GABRB3: variants seen among roughly 807,000 people sequenced by gnomAD.
The protein encoded by GABRB3 is gamma-aminobutyric acid type A receptor subunit beta3, also known as gamma-aminobutyric acid receptor subunit beta-3.
In GABRB3, 14 loss-of-function variants were observed where a neutral mutation model predicts 52.1. The ratio of observed to expected loss-of-function variants is 0.27; its 90% CI spans 0.18 to 0.42. The LOEUF (loss-of-function observed/expected upper bound fraction) is 0.42, where lower values mean the gene tolerates loss of function less well. GABRB3 is among the 10% of genes least tolerant of loss of function. GABRB3 has a pLI of 1.00. For missense variants in GABRB3, 307 were observed against 609.1 expected, an observed-to-expected ratio of 0.50 and a Z score of 5.22; for synonymous variants, 260 against 232.3, an observed-to-expected ratio of 1.12 and a Z score of -1.08.
chr15:26,698,965 AAAT>A (rs1888836622), intron 3 of GABRB3, among the ~76,000 whole-genome samples: 1 of 152,258 alleles, frequency 6.6e-6, no homozygotes. Flanking sequence ...ATTTTAGATT[AAAT>A]AATTAAAATT....
chr15:26,572,149 G>T (rs901274624), intron 6 of GABRB3, among the ~76,000 whole-genome samples: 2 of 151,952 alleles, frequency 1.3e-5, no homozygotes, highest in Non-Finnish European at 2.9e-5. Context: ...GGTGGAAACA[G>T]TAAGTGGGGC....
chr15:26,706,768 T>C (rs1889116768), intron 3 of GABRB3, among the ~76,000 whole-genome samples: 1 of 152,230 alleles, frequency 6.6e-6, no homozygotes, highest in Non-Finnish European at 1.5e-5. Flanking sequence ...CATGTGTTCA[T>C]GTATTCATTC....
intron 3 of GABRB3, among the ~76,000 whole-genome samples, chr15:26,671,408 T>C (rs1887893387): frequency 6.6e-6 from 1 of 152,196 alleles, no homozygotes. Context: ...TGTACCACAG[T>C]TGTGCCGGAA....
intron 4 of GABRB3, among the ~76,000 whole-genome samples, chr15:26,619,263 C>T (rs1428715826): frequency 6.6e-6 from 1 of 151,626 alleles, no homozygotes; most frequent in African/African-American, 2.4e-5. Flanking sequence ...GACTTGGAAC[C>T]AACCCAAATG....
intron 3 of GABRB3, among the ~76,000 whole-genome samples, chr15:26,661,763 C>A (rs989137552): frequency 6.6e-6 from 1 of 152,092 alleles, no homozygotes; most frequent in Non-Finnish European, 1.5e-5. Flanking sequence ...CCAGAAAGAG[C>A]CCAGCTAAGC....
intron 3 of GABRB3, chr15:26,658,467 A>G (rs993072791): frequency 9.9e-5 from 15 of 152,196 alleles, no homozygotes; most frequent in Admixed American, 8.5e-4. Flanking sequence ...TAATATGTAC[A>G]TACTCCAGCC....
At chr15:26,736,201 G>A (rs1242149865) in intron 3 of GABRB3, among the ~76,000 whole-genome samples, 1 of 152,214 alleles carries the variant, frequency 6.6e-6, no homozygotes, top group Non-Finnish European at 1.5e-5. Flanking sequence ...CAACTAACCT[G>A]TGCACTTTAA....
At chr15:26,687,935 G>A (rs1888458544) in intron 3 of GABRB3, among the ~76,000 whole-genome samples, 1 of 152,168 alleles carries the variant, frequency 6.6e-6, no homozygotes, top group South Asian at 2.1e-4. Context: ...CTGAATCTTA[G>A]TAACTTTCAT....
chr15:26,729,210 A>G (rs1889846573), intron 3 of GABRB3, among the ~76,000 whole-genome samples: 1 of 152,094 alleles, frequency 6.6e-6, no homozygotes, highest in Non-Finnish European at 1.5e-5. Flanking sequence ...TGCACAGTGT[A>G]TTCAGACTGC....
rs149942540 is a variant in GABRB3 at position 26,552,042 on chromosome 15, T to G, written c.1081-3908A>C. Among the ~76,000 whole-genome samples the G allele has an allele frequency of 9.8e-3, 1,494 of 152,256 alleles. 32 individuals carry two copies. The highest frequency in any genetic ancestry group is 0.034 in the African/African-American group (1,429 of 41,538). On this transcript the variant is annotated intron_variant, in intron 8 of 8. Coordinates refer to ENST00000311550, the MANE Select transcript of GABRB3 (RefSeq NM_000814.6). ...TTTTTTTGAGATAGAGTTTCACTCT[T>G]GTTGCCCAGGCAGGAGTGCAGTGGC...
intron 8 of GABRB3, among the ~76,000 whole-genome samples, chr15:26,556,047 G>A (rs946635400): frequency 6.6e-6 from 1 of 152,208 alleles, no homozygotes; most frequent in Non-Finnish European, 1.5e-5. Context: ...AGAAGCGATT[G>A]TGGGTGAAAT....
At chr15:26,671,322 A>G (rs1171064604) in intron 3 of GABRB3, among the ~76,000 whole-genome samples, 1 of 152,254 alleles carries the variant, frequency 6.6e-6, no homozygotes, top group Non-Finnish European at 1.5e-5. Flanking sequence ...CTACTCAAGT[A>G]TCTGGCAAAT....
At chr15:26,594,260 T>G (rs1664157356) in intron 4 of GABRB3, among the ~76,000 whole-genome samples, 1 of 151,954 alleles carries the variant, frequency 6.6e-6, no homozygotes, top group South Asian at 2.1e-4. Context: ...TTCCTCTTTC[T>G]TTGTATGCTT....
intron 3 of GABRB3, among the ~76,000 whole-genome samples, chr15:26,634,950 C>T (rs1893009037): frequency 1.3e-5 from 1 of 79,130 alleles, no homozygotes; most frequent in African/African-American, 4.7e-5. Flanking sequence ...GATTAGATAA[C>T]TTTCTCAAGT....
chr15:26,629,695 G>C (rs1387039587), intron 3 of GABRB3, among the ~76,000 whole-genome samples: 1 of 152,144 alleles, frequency 6.6e-6, no homozygotes, highest in Non-Finnish European at 1.5e-5. Flanking sequence ...CCCTGGTGCA[G>C]CTTCTGAGTT....
At chr15:26,773,625 C>T (rs1252873746), upstream of GABRB3, 3 of 1,547,322 alleles carry the variant, frequency 1.9e-6, no homozygotes, top group Non-Finnish European at 2.6e-6. Context: ...CTGCAGAACG[C>T]CGGGAAGCCC....
chr15:26,552,562 A>G (rs1309323848), intron 8 of GABRB3, among the ~76,000 whole-genome samples: 1 of 152,278 alleles, frequency 6.6e-6, no homozygotes, highest in East Asian at 1.9e-4. Context: ...TGGGAGTGCT[A>G]GGGCCACATC....
rs925774309 is a variant in GABRB3 at position 26,544,733 on chromosome 15, T to G, written c.*3060A>C. 6.6e-6 allele frequency: 1 copy of G among 152,364 alleles called. No individual in the cohort carries two copies. The highest frequency in any genetic ancestry group is 1.5e-5 in the Non-Finnish European group (1 of 68,028). 9.4% of individuals were successfully genotyped at this position (152,364 alleles called of 1,614,324 possible). A position where few individuals can be genotyped will look rare whatever the true frequency, so the allele number is the denominator to read the frequency against. ...ATAACAAACTGTCATAACAAGATTC[T>G]TCTGTAGATCTTGAGCCCCTGTGGC... is the stretch of plus-strand genomic sequence containing the variant. On this transcript the variant is annotated 3_prime_UTR_variant, in exon 9 of 9. Coordinates refer to ENST00000311550, the MANE Select transcript of GABRB3 (RefSeq NM_000814.6).
At position 26,716,952 on chromosome 15, in the gene GABRB3, G is replaced by A. The variant is rs182102722; in HGVS notation, c.240+55450C>T. ...CTCCACCCAACCACAGCCCAGCTCTGAGGACCTCCACCCAATGACAGCCCA... is the reference window on the plus strand; with the variant it reads ...CTCCACCCAACCACAGCCCAGCTCTAAGGACCTCCACCCAATGACAGCCCA... On this transcript the variant is annotated intron_variant, in intron 3 of 8. Transcript: ENST00000311550. Among the ~76,000 whole-genome samples the A allele has an allele frequency of 6.1e-4, 85 of 138,460 alleles. 7 individuals are homozygous for A. Among genetic ancestry groups the A allele is most frequent in the Admixed American group, 6.0e-3 (78 of 12,910 alleles). 90.8% of individuals were successfully genotyped at this position (138,460 alleles called of 152,430 possible). A position where few individuals can be genotyped will look rare whatever the true frequency, so the allele number is the denominator to read the frequency against.
Sources: allele counts gnomAD v4.1 joint callset (sites outside exome capture counted in the v4.1 genomes callset), GRCh38; gene constraint gnomAD v4.1.1; transcripts MANE v1.5; gene names NCBI Gene and HGNC (gene_info 2026-07-23, HGNC 2026-07-21).